The following NARS2 variants were observed in gnomAD, a reference collection of about 807,000 sequenced individuals.
The protein encoded by NARS2 is asparaginyl-tRNA synthetase 2, mitochondrial.
NARS2 carries 60 observed loss-of-function variants against 62.9 expected under a neutral mutation model. That is an observed-to-expected ratio of 0.95 (90% CI 0.77 to 1.18). The LOEUF (loss-of-function observed/expected upper bound fraction) is 1.18, where lower values mean the gene tolerates loss of function less well. Among genes scored for constraint, NARS2 ranks in the 50% most tolerant of loss-of-function variants. The pLI is 0.00. For synonymous variants in NARS2, 196 were observed against 200.0 expected (o/e 0.98, Z 0.17); for missense variants, 619 against 576.4 (o/e 1.07, Z -0.76).
intron 7 of NARS2, among the ~76,000 whole-genome samples, chr11:78,480,241 T>C (rs1319449697): frequency 6.6e-6 from 1 of 152,100 alleles, no homozygotes; most frequent in Non-Finnish European, 1.5e-5. Flanking sequence ...CTATACTGCA[T>C]TCCTGGTTTA....
intron 6 of NARS2, among the ~76,000 whole-genome samples, chr11:78,495,189 A>G (rs1860007010): frequency 6.6e-6 from 1 of 152,142 alleles, no homozygotes; most frequent in Admixed American, 6.5e-5. Context: ...TAAAATTCTA[A>G]CTCCTAATTT....
chr11:78,520,821 C>T (rs1453668963), intron 6 of NARS2, among the ~76,000 whole-genome samples: 3 of 151,932 alleles, frequency 2.0e-5, no homozygotes, highest in East Asian at 3.9e-4. Context: ...TTTGGGAGGC[C>T]GAGGCGGGTG....
chr11:78,508,587 CAAAAAA>C (rs796557623), intron 6 of NARS2, among the ~76,000 whole-genome samples: 61 of 57,814 alleles, frequency 1.1e-3, no homozygotes, highest in South Asian at 7.6e-3. Context: ...GACTCCATCT[CAAAAAA>C]AAAAAACAAA....
chr11:78,440,594 G>C (rs560007707), intron 13 of NARS2, among the ~76,000 whole-genome samples: 2 of 151,104 alleles, frequency 1.3e-5, no homozygotes, highest in African/African-American at 2.4e-5. Context: ...GTGCAATGGC[G>C]TGATCTCAGC....
chr11:78,464,966 G>A (rs1161166352), intron 11 of NARS2, among the ~76,000 whole-genome samples: 4 of 152,246 alleles, frequency 2.6e-5, no homozygotes, highest in East Asian at 1.9e-4. Context: ...CGCGCCATGC[G>A]CCTGCACTCC....
At chr11:78,515,204 A>AG (rs1185987831) in intron 6 of NARS2, among the ~76,000 whole-genome samples, 2 of 152,126 alleles carry the variant, frequency 1.3e-5, no homozygotes, top group African/African-American at 4.8e-5. Flanking sequence ...ACATATGAAC[A>AG]GTAAATGCTC....
intron 9 of NARS2, among the ~76,000 whole-genome samples, chr11:78,470,648 C>G (rs900151768): frequency 1.3e-5 from 2 of 152,086 alleles, no homozygotes; most frequent in African/African-American, 4.8e-5. Context: ...ACGTTCTAAT[C>G]TTTTGCTATT....
intron 11 of NARS2, among the ~76,000 whole-genome samples, chr11:78,445,047 A>G (rs957909227): frequency 6.6e-6 from 1 of 152,194 alleles, no homozygotes; most frequent in Admixed American, 6.5e-5. Flanking sequence ...ACAGACTATT[A>G]GATAAGTTTT....
intron 11 of NARS2, among the ~76,000 whole-genome samples, chr11:78,450,216 A>T (rs998775732): frequency 6.6e-6 from 1 of 152,174 alleles, no homozygotes; most frequent in Non-Finnish European, 1.5e-5. Flanking sequence ...CCTCCCAAAC[A>T]ATCCTTCAAT....
chr11:78,553,499 G>A (rs527509304), intron 5 of NARS2, among the ~76,000 whole-genome samples: 43 of 152,262 alleles, frequency 2.8e-4, no homozygotes, highest in Middle Eastern at 3.4e-3. Context: ...ATGTTGGCCA[G>A]GCTGGTCTCG....
chr11:78,541,877 C>A (rs923799853), intron 5 of NARS2, among the ~76,000 whole-genome samples: 1 of 152,138 alleles, frequency 6.6e-6, no homozygotes, highest in African/African-American at 2.4e-5. Context: ...GCATCTCATA[C>A]GTAAAAACCA....
chr11:78,447,823 T>C (rs1334443902), intron 11 of NARS2, among the ~76,000 whole-genome samples: 3 of 151,814 alleles, frequency 2.0e-5, no homozygotes, highest in African/African-American at 7.3e-5. Flanking sequence ...TATAATAGAA[T>C]GATGGTTACC....
At chr11:78,465,834 C>T (rs1205557020) in intron 11 of NARS2, 42 bp downstream of exon 11, 69 of 1,608,086 alleles carry the variant, frequency 4.3e-5, no homozygotes, top group Non-Finnish European at 5.3e-5. Context: ...AAAAACCCAA[C>T]CTAAGAGGAC....
intron 3 of NARS2, 27 bp from the exon 4 acceptor site, chr11:78,566,299 A>G (rs925470758): frequency 1.3e-6 from 2 of 1,549,346 alleles, no homozygotes; most frequent in African/African-American, 1.4e-5. Flanking sequence ...AGAACAAATT[A>G]GAAGTCAAAA....
chr11:78,443,780 T>G (rs1368152090), intron 11 of NARS2, 22 bp from the exon 12 acceptor site: 1 of 1,528,086 alleles, frequency 6.5e-7, no homozygotes, highest in Non-Finnish European at 9.1e-7. Context: ...AAAAAAATTA[T>G]TAGCATTATA....
intron 13 of NARS2, among the ~76,000 whole-genome samples, chr11:78,439,024 G>T (rs1857496202): frequency 6.6e-6 from 1 of 151,298 alleles, no homozygotes. Flanking sequence ...TGCCCAGGCT[G>T]GGGTGCAGTC....
intron 9 of NARS2, among the ~76,000 whole-genome samples, chr11:78,475,658 G>C (rs1859062913): frequency 7.5e-6 from 1 of 133,746 alleles, no homozygotes; most frequent in Non-Finnish European, 1.5e-5. Flanking sequence ...AGCAGCGTCT[G>C]TGATCATAGC....
At chr11:78,569,315 T>C (rs1006140816) in intron 2 of NARS2, among the ~76,000 whole-genome samples, 8 of 152,310 alleles carry the variant, frequency 5.3e-5, no homozygotes, top group Non-Finnish European at 1.2e-4. Context: ...ACATCTGTTC[T>C]AATTCTTTTT....
In NARS2 at chr11:78,511,005, GAAA is replaced by G. The variant is rs547160672; in HGVS notation, c.690-17813_690-17811del. ...GTGGTTGCCTAAGAGCAGGGGTGGG[GAAA>G]GAGACTCGAGCCAAAGGAAAACAAG... On this transcript the variant is annotated intron_variant, in intron 6 of 13. Transcript: ENST00000281038. Among the ~76,000 whole-genome samples, 37 of 152,294 alleles carry G rather than the reference GAAA, an allele frequency of 2.4e-4. No individual in the cohort carries two copies. The South Asian group carries it at 7.7e-3, about 32-fold the overall frequency.
Sources: allele counts gnomAD v4.1 joint callset (sites outside exome capture counted in the v4.1 genomes callset), GRCh38; gene constraint gnomAD v4.1.1; transcripts MANE v1.5; gene names NCBI Gene and HGNC (gene_info 2026-07-23, HGNC 2026-07-21).